ANLN: variants seen among roughly 807,000 people sequenced by gnomAD.
ANLN encodes anillin, actin binding protein.
A neutral mutation model predicts 135.1 loss-of-function variants in ANLN; 59 were observed. The observed-to-expected ratio is 0.44, with a 90% CI of 0.35 to 0.54. The LOEUF (loss-of-function observed/expected upper bound fraction) is 0.54, where lower values mean the gene tolerates loss of function less well. ANLN is among the 20% of genes least tolerant of loss of function. The pLI is 0.00. For missense variants in ANLN, 1,182 were observed against 1,340.0 expected (o/e 0.88, Z 1.84); for synonymous variants, 406 against 456.4 (o/e 0.89, Z 1.41).
At position 36,425,918 on chromosome 7, in the gene ANLN, T is replaced by C. The variant is rs182560898; in HGVS notation, c.2749-97T>C. On this transcript the variant is annotated intron_variant, in intron 18 of 23. Transcript: ENST00000265748. Reference sequence around the variant, plus strand: ...AGTGTTTTCTGAAATGTATTTCTTATTGTGTTAAAAGAGATGAGTGATTCA... The same window carrying C: ...AGTGTTTTCTGAAATGTATTTCTTACTGTGTTAAAAGAGATGAGTGATTCA... 39 of 1,194,828 alleles carry C rather than the reference T, an allele frequency of 3.3e-5. No individual in the cohort carries two copies. In the East Asian group the frequency reaches 6.2e-4, roughly 19 times the overall value. The allele number at this position is 1,194,828 out of a possible 1,614,324, so 74.0% of individuals were successfully genotyped here. A position where few individuals can be genotyped will look rare whatever the true frequency, so the allele number is the denominator to read the frequency against.
chr7:36,398,739 A>G (rs1409520841), intron 2 of ANLN, among the ~76,000 whole-genome samples: 1 of 152,004 alleles, frequency 6.6e-6, no homozygotes, highest in Non-Finnish European at 1.5e-5. Flanking sequence ...ACTGCACCAT[A>G]TTTGTAGTCT....
chr7:36,438,605 C>T (rs376764054), intron 20 of ANLN, among the ~76,000 whole-genome samples: 11 of 152,214 alleles, frequency 7.2e-5, no homozygotes, highest in Admixed American at 3.9e-4. Flanking sequence ...CTCCTGGGTT[C>T]GAGTGATCCT....
At chr7:36,406,614 A>G (rs760946932) in intron 4 of ANLN, 48 bp downstream of exon 4, 3 of 1,460,418 alleles carry the variant, frequency 2.1e-6, no homozygotes, top group Non-Finnish European at 2.7e-6. Flanking sequence ...TTTTTTCGTT[A>G]TGAGTGGTAT....
chr7:36,400,708 C>T (rs766563672), intron 3 of ANLN, among the ~76,000 whole-genome samples: 11 of 152,156 alleles, frequency 7.2e-5, no homozygotes, highest in Non-Finnish European at 1.5e-4. Flanking sequence ...GTAGACCCCA[C>T]GGTGCTTGCA....
At chr7:36,429,766 A>T (rs1328350417) in intron 20 of ANLN, among the ~76,000 whole-genome samples, 1 of 152,228 alleles carries the variant, frequency 6.6e-6, no homozygotes, top group Non-Finnish European at 1.5e-5. Context: ...GATTTCAATG[A>T]CATATCTTAA....
At chr7:36,393,151 G>A (rs1179262733) in intron 1 of ANLN, among the ~76,000 whole-genome samples, 1 of 151,778 alleles carries the variant, frequency 6.6e-6, no homozygotes, top group Non-Finnish European at 1.5e-5. Flanking sequence ...AGCCTCCCAA[G>A]TAGCTGGGAC....
intron 1 of ANLN, among the ~76,000 whole-genome samples, chr7:36,394,385 G>A (rs1177625454): frequency 6.6e-6 from 1 of 152,086 alleles, no homozygotes; most frequent in Non-Finnish European, 1.5e-5. Context: ...GAGGGGATCT[G>A]TTCAGTTGGT....
intron 21 of ANLN, among the ~76,000 whole-genome samples, chr7:36,439,568 G>A (rs1158441597): frequency 4.6e-5 from 7 of 152,210 alleles, no homozygotes; most frequent in Admixed American, 2.0e-4. Context: ...AGGGTGCATC[G>A]GTGTCAATTG....
Position 36,389,867 on chromosome 7 carries a change from C to G in ANLN, c.-160C>G. 1 of 1,315,650 alleles carries G rather than the reference C, an allele frequency of 7.6e-7. No individual in the cohort carries two copies. The highest frequency in any genetic ancestry group is 1.1e-6 in the Non-Finnish European group (1 of 933,880). 81.5% of individuals were successfully genotyped at this position (1,315,650 alleles called of 1,614,324 possible). A position where few individuals can be genotyped will look rare whatever the true frequency, so the allele number is the denominator to read the frequency against. ...TTTGAACGGCTGCAGAGGCCGAGTC[C>G]GTCACTGGAAGCCGAGAGGAGAGGA... On this transcript the variant is annotated 5_prime_UTR_variant, in exon 1 of 24. Coordinates refer to ENST00000265748, the MANE Select transcript of ANLN (RefSeq NM_018685.5).
At chr7:36,432,696 T>C (rs375541372) in intron 20 of ANLN, among the ~76,000 whole-genome samples, 5 of 152,354 alleles carry the variant, frequency 3.3e-5, no homozygotes, top group African/African-American at 1.2e-4. Context: ...GTTTTCCCTT[T>C]CCTGCCTTCT....
Position 36,399,060 on chromosome 7 carries a change from T to C in ANLN, c.173-19T>C, listed in dbSNP as rs1320427138. The C allele has an allele frequency of 8.3e-6, 13 of 1,569,094 alleles. No homozygotes were observed. The highest frequency in any genetic ancestry group is 1.4e-5 in the African/African-American group (1 of 73,016). ...GAAATTACAAATTTGAATGTCTTTTTTCATCGTTTTTAATGTAGAGAAATC... is the reference window on the plus strand; with the variant it reads ...GAAATTACAAATTTGAATGTCTTTTCTCATCGTTTTTAATGTAGAGAAATC... On this transcript the variant is annotated intron_variant, in intron 2 of 23. Coordinates refer to ENST00000265748, the MANE Select transcript of ANLN (RefSeq NM_018685.5).
At chr7:36,390,994 C>T (rs1350677326) in intron 1 of ANLN, among the ~76,000 whole-genome samples, 1 of 152,152 alleles carries the variant, frequency 6.6e-6, no homozygotes, top group Non-Finnish European at 1.5e-5. Flanking sequence ...AACTTAAATG[C>T]TGTGAAGAGT....
At chr7:36,452,195 C>T (rs531897965) in intron 23 of ANLN, among the ~76,000 whole-genome samples, 4 of 152,144 alleles carry the variant, frequency 2.6e-5, no homozygotes, top group Non-Finnish European at 2.9e-5. Flanking sequence ...ATCAGGTTAC[C>T]CAGGCCGCAC....
intron 21 of ANLN, among the ~76,000 whole-genome samples, chr7:36,440,304 C>A (rs370203520): frequency 3.9e-5 from 6 of 152,224 alleles, no homozygotes; most frequent in African/African-American, 1.4e-4. Context: ...AATCTAGCAT[C>A]ATGGTTGTCA....
intron 5 of ANLN, among the ~76,000 whole-genome samples, chr7:36,408,916 A>T (rs1382845070): frequency 6.6e-6 from 1 of 152,202 alleles, no homozygotes; most frequent in East Asian, 1.9e-4. Flanking sequence ...GTTTATTCTG[A>T]ACTGTATTCA....
chr7:36,438,528 C>T (rs973165525), intron 20 of ANLN, among the ~76,000 whole-genome samples: 2 of 152,110 alleles, frequency 1.3e-5, no homozygotes, highest in Non-Finnish European at 2.9e-5. Flanking sequence ...TCTGCCACCA[C>T]ACCTGGCTAA....
intron 5 of ANLN, 151 bp from the exon 6 acceptor site, chr7:36,410,363 T>C (rs2116598770): frequency 1.6e-6 from 1 of 625,480 alleles, no homozygotes. Flanking sequence ...TTTTAAAATT[T>C]TGAAGTATTT....
chr7:36,398,826 C>G (rs953919118), intron 2 of ANLN, among the ~76,000 whole-genome samples: 1 of 151,802 alleles, frequency 6.6e-6, no homozygotes, highest in Admixed American at 6.6e-5. Context: ...CTTTCCATCC[C>G]CACAGCTTAG....
chr7:36,402,558 A>G (rs1384505261), intron 3 of ANLN, among the ~76,000 whole-genome samples: 1 of 152,114 alleles, frequency 6.6e-6, no homozygotes, highest in East Asian at 1.9e-4. Flanking sequence ...GGACCTCCCC[A>G]TCACCTCCTG....
Sources: allele counts gnomAD v4.1 joint callset (sites outside exome capture counted in the v4.1 genomes callset), GRCh38; gene constraint gnomAD v4.1.1; transcripts MANE v1.5; gene names NCBI Gene and HGNC (gene_info 2026-07-23, HGNC 2026-07-21).